Variants in CCDC3 observed in about 807,000 individuals in gnomAD.
The protein encoded by CCDC3 is coiled-coil domain-containing protein 3.
A neutral mutation model predicts 21.4 loss-of-function variants in CCDC3; 24 were observed. The ratio of observed to expected loss-of-function variants is 1.12; its 90% CI spans 0.81 to 1.58. CCDC3 has a LOEUF of 1.58. CCDC3 is among the 40% of genes most tolerant of loss of function. CCDC3 has a pLI of 0.00. For missense variants in CCDC3, 425 were observed against 360.9 expected (o/e 1.18, Z -1.44); for synonymous variants, 186 against 166.0 (o/e 1.12, Z -0.93).
At chr10:12,940,662 G>GCTAAGTAATAAGTCAAT (rs1460381292) in intron 2 of CCDC3, among the ~76,000 whole-genome samples, 1 of 150,384 alleles carries the variant, frequency 6.6e-6, no homozygotes. Flanking sequence ...CGAGCAAGAA[G>GCTAAGTAATAAGTCAAT]CTAAGTAATA....
chr10:13,040,168 G>C (rs568483458), intron 5 of CCDC3, among the ~76,000 whole-genome samples: 11 of 152,194 alleles, frequency 7.2e-5, no homozygotes, highest in African/African-American at 2.4e-4. Flanking sequence ...AAGCTGGGGC[G>C]AACACAGTGA....
intron 2 of CCDC3, among the ~76,000 whole-genome samples, chr10:12,986,667 G>A (rs189179031): frequency 7.2e-5 from 11 of 151,874 alleles, no homozygotes; most frequent in South Asian, 2.1e-4. Context: ...CCAGCTACTC[G>A]GGAGGCTGAG....
Position 13,001,407 on chromosome 10 carries a change from G to A in CCDC3, c.164C>T (p.Ala55Val), listed in dbSNP as rs893068762. 2 of 1,560,758 alleles carry A rather than the reference G, an allele frequency of 1.3e-6. No individual in the cohort carries two copies. The highest frequency in any genetic ancestry group is 1.4e-5 in the African/African-American group (1 of 73,928). Residue 55 changes from alanine to valine, a missense_variant, in exon 1 of 3, where the codon GCG (alanine) becomes GTG (valine). Coordinates refer to ENST00000378825, the MANE Select transcript of CCDC3 (RefSeq NM_031455.4). ...GGGCAGGTGGTTGTAGAGGCCGGGC[G>A]CCTCGGGGTGCAGCGCCAGCACCCT... ...YARVLALHPE[A>V]PGLYNHLPWQ...
At chr10:12,957,933 G>A (rs561290451) in intron 2 of CCDC3, among the ~76,000 whole-genome samples, 1 of 152,216 alleles carries the variant, frequency 6.6e-6, no homozygotes, top group East Asian at 1.9e-4. Context: ...GGGTTCAAGT[G>A]ATTTTCCTGC....
intron 3 of CCDC3, among the ~76,000 whole-genome samples, chr10:13,076,772 C>T (rs1213318977): frequency 1.3e-5 from 2 of 152,222 alleles, no homozygotes; most frequent in Admixed American, 6.5e-5. Flanking sequence ...TAAGCAACTT[C>T]CTCCTTTCCC....
At position 12,940,226 on chromosome 10, in the gene CCDC3, ATTG is replaced by A. The variant is rs773452344; in HGVS notation, c.550-41550_550-41548del. ...GGCATCTGGAGAAAGAATCATTGAA[ATTG>A]TTTTTTTTTTTTTTTTTTTTCCCTG... On this transcript the variant is annotated intron_variant, in intron 2 of 2. Transcript: ENST00000378825. Among the ~76,000 whole-genome samples, 115 of 107,068 alleles carry A rather than the reference ATTG, an allele frequency of 1.1e-3. 1 individual carries two copies. In the South Asian group the frequency reaches 0.016, roughly 15 times the overall value. The allele number at this position is 107,068 out of a possible 152,430, so 70.2% of individuals were successfully genotyped here.
At chr10:12,914,480 C>T (rs963185345) in intron 2 of CCDC3, among the ~76,000 whole-genome samples, 13 of 152,114 alleles carry the variant, frequency 8.5e-5, no homozygotes, top group Non-Finnish European at 2.9e-5. Context: ...GAGTCTTGCT[C>T]TGTCACCCAG....
At chr10:12,950,452 A>G (rs11593587) in intron 2 of CCDC3, among the ~76,000 whole-genome samples, 15,200 of 152,192 alleles carry the variant, frequency 0.1, 1,189 homozygotes, top group African/African-American at 0.22. Context: ...TTAAAAAGCA[A>G]CAATCTAAAG....
intron 2 of CCDC3, among the ~76,000 whole-genome samples, chr10:12,925,386 G>A (rs1329026396): frequency 3.6e-5 from 5 of 137,008 alleles, no homozygotes; most frequent in Non-Finnish European, 6.3e-5. Flanking sequence ...AAAGTCCTTT[G>A]TGGGCCATTA....
intron 2 of CCDC3, among the ~76,000 whole-genome samples, chr10:12,918,264 G>C (rs1489237954): frequency 6.6e-6 from 1 of 152,078 alleles, no homozygotes; most frequent in African/African-American, 2.4e-5. Context: ...TGATGTGATA[G>C]GATATTCCTT....
chr10:12,956,039 T>G (rs1409240693), intron 2 of CCDC3, among the ~76,000 whole-genome samples: 1 of 151,870 alleles, frequency 6.6e-6, no homozygotes, highest in Admixed American at 6.6e-5. Context: ...AAGATCTCAC[T>G]ATGTTGCCCA....
intron 2 of CCDC3, among the ~76,000 whole-genome samples, chr10:12,924,131 A>C (rs1215503694): frequency 1.3e-5 from 2 of 152,222 alleles, no homozygotes; most frequent in East Asian, 1.9e-4. Flanking sequence ...GCAACCTTCT[A>C]AAGGAAGCTG....
At chr10:12,951,945 C>G (rs1457971385) in intron 2 of CCDC3, among the ~76,000 whole-genome samples, 5 of 151,866 alleles carry the variant, frequency 3.3e-5, no homozygotes, top group African/African-American at 1.2e-4. Flanking sequence ...CTTGTGCATT[C>G]ACCTTCCAAG....
intron 2 of CCDC3, among the ~76,000 whole-genome samples, chr10:12,956,175 C>T (rs1334455437): frequency 6.6e-6 from 1 of 152,182 alleles, no homozygotes; most frequent in Non-Finnish European, 1.5e-5. Flanking sequence ...CTTGTGACCA[C>T]TGGGTTGCAA....
intron 3 of CCDC3, among the ~76,000 whole-genome samples, chr10:13,097,951 C>A (rs558168683): frequency 6.6e-6 from 1 of 152,250 alleles, no homozygotes; most frequent in East Asian, 1.9e-4. Flanking sequence ...TGGGTCTGGT[C>A]AGAAAAGAGG....
intron 2 of CCDC3, among the ~76,000 whole-genome samples, chr10:12,899,272 A>AT (rs1249071269): frequency 6.6e-6 from 1 of 151,994 alleles, no homozygotes; most frequent in Non-Finnish European, 1.5e-5. Context: ...TCATAATAAC[A>AT]TAAAAAAAAC....
At chr10:13,001,130 A>G in intron 1 of CCDC3, 67 bp downstream of exon 1, 3 of 1,506,880 alleles carry the variant, frequency 2.0e-6, no homozygotes, top group Non-Finnish European at 2.7e-6. Flanking sequence ...GCCTGGCTCT[A>G]GGTAACGGCG....
At chr10:12,917,141 T>G (rs1275062891) in intron 2 of CCDC3, among the ~76,000 whole-genome samples, 5 of 148,650 alleles carry the variant, frequency 3.4e-5, no homozygotes, top group Non-Finnish European at 7.4e-5. Flanking sequence ...CTGCCCGGGG[T>G]TGGGGGAGGT....
intron 2 of CCDC3, among the ~76,000 whole-genome samples, chr10:12,922,717 T>C (rs1834471371): frequency 6.6e-6 from 1 of 152,084 alleles, no homozygotes; most frequent in African/African-American, 2.4e-5. Flanking sequence ...CCGGATGTGG[T>C]ACATTGTAGG....
Sources: gnomAD v4.1 joint callset for allele counts (sites outside exome capture counted in the v4.1 genomes callset) on GRCh38, gnomAD v4.1.1 for gene constraint, MANE v1.5 for transcripts, NCBI Gene and HGNC (gene_info 2026-07-23, HGNC 2026-07-21) for gene names.